Variants in CD163L1 observed in about 807,000 individuals in gnomAD.
The protein encoded by CD163L1 is scavenger receptor cysteine-rich type 1 protein M160.
In CD163L1, 124 loss-of-function variants were observed where a neutral mutation model predicts 165.4. That is an observed-to-expected ratio of 0.75 (90% CI 0.65 to 0.87). CD163L1 has a LOEUF of 0.87. Ranked by LOEUF, CD163L1 falls within the 40% of genes least tolerant of loss-of-function variation. CD163L1 has a pLI of 0.00. For missense variants in CD163L1, 1,525 were observed against 1,799.9 expected (o/e 0.85, Z 2.76); for synonymous variants, 585 against 662.2 (o/e 0.88, Z 1.79).
At chr12:7,408,201 A>C (rs934894456) in intron 4 of CD163L1, among the ~76,000 whole-genome samples, 1 of 151,622 alleles carries the variant, frequency 6.6e-6, no homozygotes, top group Non-Finnish European at 1.5e-5. Context: ...AATGAATGAG[A>C]TTTTTTTTAC....
chr12:7,359,155 G>A (rs1946840625), intron 18 of CD163L1, among the ~76,000 whole-genome samples: 1 of 152,114 alleles, frequency 6.6e-6, no homozygotes, highest in South Asian at 2.1e-4. Context: ...GGAGAAAAAG[G>A]TGAGAAACAA....
chr12:7,364,625 AGCATTT>A (rs1350002929), intron 18 of CD163L1, among the ~76,000 whole-genome samples: 2 of 152,186 alleles, frequency 1.3e-5, no homozygotes, highest in Non-Finnish European at 2.9e-5. Context: ...AAAAATCAGT[AGCATTT>A]ATATAACCCA....
In CD163L1 at chr12:7,390,861, T is replaced by C. The variant is rs1158963365; in HGVS notation, c.2050+5234A>G. Among the ~76,000 whole-genome samples, 4 of 152,200 alleles carry C rather than the reference T, an allele frequency of 2.6e-5. No homozygotes were observed. The East Asian group carries it at 5.8e-4, about 22-fold the overall frequency. On this transcript the variant is annotated intron_variant, in intron 8 of 19. Coordinates refer to ENST00000313599, the MANE Select transcript of CD163L1 (RefSeq NM_174941.6). The stretch of plus-strand genomic sequence containing the variant: ...AAATTGTACTACATGGGTGGTTGTA[T>C]ATCAAATTTTTCTTTGCACCATTTT...
At chr12:7,326,495 C>T in the CD163L1 span, among the ~76,000 whole-genome samples, 4 of 152,296 alleles carry the variant, frequency 2.6e-5, no homozygotes, top group South Asian at 8.3e-4. Context: ...TAGGTGTAAG[C>T]CACCATGCTC....
At chr12:7,335,598 G>A in the CD163L1 span, among the ~76,000 whole-genome samples, 2 of 152,146 alleles carry the variant, frequency 1.3e-5, no homozygotes, top group Non-Finnish European at 2.9e-5. Flanking sequence ...ATAGGCATGG[G>A]CAAGGACTTC....
the CD163L1 span, among the ~76,000 whole-genome samples, chr12:7,334,980 T>G: frequency 5.3e-5 from 8 of 151,910 alleles, no homozygotes; most frequent in South Asian, 4.2e-4. Flanking sequence ...CACTGCTCAA[T>G]GAAATAAAAG....
intron 4 of CD163L1, among the ~76,000 whole-genome samples, chr12:7,417,825 T>G (rs143305435): frequency 6.6e-6 from 1 of 152,104 alleles, no homozygotes; most frequent in Non-Finnish European, 1.5e-5. Context: ...GGTATTTTAT[T>G]GAGGATTTTC....
chr12:7,357,628 G>T, intron 18 of CD163L1, 142 bp from the exon 19 acceptor site: 2 of 523,270 alleles, frequency 3.8e-6, no homozygotes, highest in African/African-American at 1.9e-5. Context: ...AGCACGCTTA[G>T]TTATCGTTTT....
At chr12:7,381,471 ATT>A (rs1208946104) in intron 8 of CD163L1, among the ~76,000 whole-genome samples, 1 of 152,178 alleles carries the variant, frequency 6.6e-6, no homozygotes, top group Non-Finnish European at 1.5e-5. Context: ...GTTGTAATGT[ATT>A]TCCATTTTAA....
At chr12:7,365,021 A>G (rs1466863477) in intron 18 of CD163L1, among the ~76,000 whole-genome samples, 1 of 152,186 alleles carries the variant, frequency 6.6e-6, no homozygotes, top group Non-Finnish European at 1.5e-5. Flanking sequence ...CTGACTTCAA[A>G]ATATACTACA....
At chr12:7,410,250 G>A (rs1471753551) in intron 4 of CD163L1, among the ~76,000 whole-genome samples, 1 of 152,172 alleles carries the variant, frequency 6.6e-6, no homozygotes, top group African/African-American at 2.4e-5. Flanking sequence ...ACAAATATTT[G>A]TGTAATTGGA....
chr12:7,423,970 C>A (rs1004102855), intron 4 of CD163L1, among the ~76,000 whole-genome samples: 1 of 152,142 alleles, frequency 6.6e-6, no homozygotes, highest in African/African-American at 2.4e-5. Context: ...TCCTCCCGAA[C>A]TCAATTTTAT....
intron 8 of CD163L1, among the ~76,000 whole-genome samples, chr12:7,389,128 G>A (rs751036506): frequency 7.9e-5 from 12 of 152,286 alleles, no homozygotes; most frequent in African/African-American, 2.9e-4. Flanking sequence ...CCCAGCAATA[G>A]GATTGCTGAA....
rs1356785747 is a variant in CD163L1, at chr12:7,406,707, T to C, written c.912A>G (p.Gly304=). 1.2e-5 allele frequency: 20 copies of C among 1,613,924 alleles called. No individual in the cohort carries two copies. Among genetic ancestry groups the C allele is most frequent in the Non-Finnish European group, 1.6e-5 (19 of 1,179,978 alleles). The change falls in exon 5 of 20, where the codon GGA becomes GGG. Residue 304 remains glycine (G), a synonymous_variant. Coordinates refer to ENST00000313599, the MANE Select transcript of CD163L1 (RefSeq NM_174941.6). Reference sequence around the variant, plus strand: ...CAGCGAAGTGAAGTGCGGTTCCACATCCCAACTGCTTGCATACGACATCAG... The same window carrying C: ...CAGCGAAGTGAAGTGCGGTTCCACACCCCAACTGCTTGCATACGACATCAG... The part of the protein sequence containing the change: ...AAADVVCKQL[G]CGTALHFAGL...
rs181764810 is a variant in CD163L1 at position 7,373,209 on chromosome 12, T to C, written c.3730+111A>G. The C allele has an allele frequency of 2.2e-4, 191 of 862,856 alleles. No individual in the cohort carries two copies. The African/African-American group carries it at 3.0e-3, about 14-fold the overall frequency. 53.4% of individuals were successfully genotyped at this position (862,856 alleles called of 1,614,324 possible). ...TGCGATAAATCAGCACTTATTGTCA[T>C]GCACTTTTCAGTGAGTCTGCCATGT... On this transcript the variant is annotated intron_variant, in intron 14 of 19. Coordinates refer to ENST00000313599, the MANE Select transcript of CD163L1 (RefSeq NM_174941.6).
rs139318028 is a variant in CD163L1, at chr12:7,406,716, C to T, written c.903G>A (p.Lys301=). The T allele has an allele frequency of 1.9e-6, 3 of 1,614,046 alleles. No homozygotes were observed. Among genetic ancestry groups the T allele is most frequent in the Non-Finnish European group, 2.5e-6 (3 of 1,179,986 alleles). ...GAAGTGCGGTTCCACATCCCAACTG[C>T]TTGCATACGACATCAGCTGCAGCAT... ...WNNAAADVVC[K]QLGCGTALHF... The change falls in exon 5 of 20, where the codon AAG becomes AAA. Residue 301 remains lysine, a synonymous_variant. Transcript: ENST00000313599.
At chr12:7,380,322 T>C (rs770711355) in intron 8 of CD163L1, among the ~76,000 whole-genome samples, 143 of 148,568 alleles carry the variant, frequency 9.6e-4, no homozygotes, top group South Asian at 5.6e-3. Flanking sequence ...TACATACATA[T>C]ATGTATGTAT....
At position 7,367,240 on chromosome 12, in the gene CD163L1, G is replaced by A. The variant is rs776891058; in HGVS notation, c.4275C>T (p.Thr1425=). Reference sequence around the variant, plus strand: ...GGCCCCTGGAGTTGCACAGACCTGAGGTTCTTGTCCCATGTGGGTCCTCTC... The same window carrying A: ...GGCCCCTGGAGTTGCACAGACCTGAAGTTCTTGTCCCATGTGGGTCCTCTC... ...LKREDPHGTR[T]SDDTPNHGCE... is the part of the protein sequence containing the mutation. The change falls in exon 18 of 20, where the codon ACC becomes ACT. Residue 1425 remains threonine, a synonymous_variant. Coordinates refer to ENST00000313599, the MANE Select transcript of CD163L1 (RefSeq NM_174941.6). 18 of 1,609,906 alleles carry A rather than the reference G, an allele frequency of 1.1e-5. No homozygotes were observed. The highest frequency in any genetic ancestry group is 1.5e-5 in the Non-Finnish European group (18 of 1,176,652).
At chr12:7,407,806 C>G (rs35251565) in intron 4 of CD163L1, among the ~76,000 whole-genome samples, 6 of 147,318 alleles carry the variant, frequency 4.1e-5, no homozygotes, top group African/African-American at 1.0e-4. Flanking sequence ...CACACACACA[C>G]AGACACACAC....
Sources: gnomAD v4.1 joint callset for allele counts (sites outside exome capture counted in the v4.1 genomes callset) on GRCh38, gnomAD v4.1.1 for gene constraint, MANE v1.5 for transcripts, NCBI Gene and HGNC (gene_info 2026-07-23, HGNC 2026-07-21) for gene names.